The following TMEM192 variants were observed in gnomAD, a reference collection of about 807,000 sequenced individuals.
The protein encoded by TMEM192 is transmembrane protein 192.
Under a neutral mutation model 26.7 loss-of-function variants are expected in TMEM192, and 20 were observed. The observed-to-expected ratio is 0.75, with a 90% CI of 0.53 to 1.09. The LOEUF (loss-of-function observed/expected upper bound fraction) is 1.09, where lower values mean the gene tolerates loss of function less well. Ranked by LOEUF, TMEM192 falls within the 50% of genes least tolerant of loss-of-function variation. TMEM192 has a pLI of 0.00. For missense variants in TMEM192, 304 were observed against 322.6 expected (o/e 0.94, Z 0.44); for synonymous variants, 124 against 121.0 (o/e 1.02, Z -0.16).
Position 165,088,450 on chromosome 4 carries a change from G to T in TMEM192, c.574+18C>A. The T allele has an allele frequency of 1.2e-6, 2 of 1,607,922 alleles. No individual in the cohort carries two copies. Among genetic ancestry groups the T allele is most frequent in the Non-Finnish European group, 8.5e-7 (1 of 1,176,612 alleles). ...CAGTTCGAAGTTCCTATAAGAACAG[G>T]CTCGTTGTAATTCTCACCTGTGTAA... On this transcript the variant is annotated intron_variant, in intron 4 of 5. Transcript: ENST00000306480.
intron 1 of TMEM192, 117 bp downstream of exon 1, chr4:165,112,630 T>A: frequency 6.8e-7 from 1 of 1,460,754 alleles, no homozygotes; most frequent in Non-Finnish European, 9.3e-7. Flanking sequence ...GGCGCCCCCT[T>A]CGGCCGCGGC....
chr4:165,085,594 A>C lies in TMEM192; in HGVS notation c.669T>G (p.Thr223=). 6.2e-7 allele frequency: 1 copy of C among 1,606,510 alleles called. No homozygotes were observed. Among genetic ancestry groups the C allele is most frequent in the Middle Eastern group, 1.7e-4 (1 of 6,034 alleles). ...TCTCACCTAAATCTTACCTGAATCC[A>C]GTCTCCGAGGTAATATTGCTGGGGT... ...YAYPSNITSE[T]GFRTISSLEE... Residue 223 remains threonine, a synonymous_variant, in exon 5 of 6, where the codon ACT becomes ACG. Coordinates refer to ENST00000306480, the MANE Select transcript of TMEM192 (RefSeq NM_001100389.2).
intron 5 of TMEM192, among the ~76,000 whole-genome samples, chr4:165,080,865 C>T (rs1413382358): frequency 6.6e-6 from 1 of 151,944 alleles, no homozygotes; most frequent in Non-Finnish European, 1.5e-5. Flanking sequence ...CAGGCGCCTG[C>T]CACCATGCCC....
chr4:165,097,785 A>AT (rs1384365082), intron 3 of TMEM192, among the ~76,000 whole-genome samples: 1 of 150,962 alleles, frequency 6.6e-6, no homozygotes, highest in East Asian at 1.9e-4. Context: ...TGACTAATTT[A>AT]TTTATTTTAT....
Position 165,079,538 on chromosome 4 carries a change from A to G in TMEM192, c.*120T>C, listed in dbSNP as rs994553481. The G allele has an allele frequency of 9.1e-6, 11 of 1,204,852 alleles. No individual in the cohort carries two copies. Among genetic ancestry groups the G allele is most frequent in the African/African-American group, 3.1e-5 (2 of 64,644 alleles). The allele number at this position is 1,204,852 out of a possible 1,614,324, so 74.6% of individuals were successfully genotyped here. ...AGTCAGAACCAAATTCAGGTTTCCA[A>G]CAAACACTGTAAAATGCTATTCAGC... On this transcript the variant is annotated 3_prime_UTR_variant, in exon 6 of 6. Coordinates refer to ENST00000306480, the MANE Select transcript of TMEM192 (RefSeq NM_001100389.2).
chr4:165,092,373 C>T (rs866715604), intron 3 of TMEM192, among the ~76,000 whole-genome samples: 1 of 152,104 alleles, frequency 6.6e-6, no homozygotes, highest in African/African-American at 2.4e-5. Context: ...CCGCGAGCCT[C>T]GGCCTCCCAA....
At chr4:165,111,854 C>T (rs1172759791) in intron 1 of TMEM192, among the ~76,000 whole-genome samples, 3 of 152,160 alleles carry the variant, frequency 2.0e-5, no homozygotes, top group Non-Finnish European at 4.4e-5. Flanking sequence ...AGTAATATTC[C>T]TACTAATTTA....
intron 1 of TMEM192, among the ~76,000 whole-genome samples, chr4:165,107,206 A>G (rs558740201): frequency 4.4e-4 from 67 of 151,924 alleles, no homozygotes; most frequent in African/African-American, 1.5e-3. Context: ...TGTATTTTTA[A>G]TAGAGACGGG....
At chr4:165,090,987 C>T (rs1734748565) in intron 3 of TMEM192, among the ~76,000 whole-genome samples, 1 of 149,618 alleles carries the variant, frequency 6.7e-6, no homozygotes, top group African/African-American at 2.5e-5. Flanking sequence ...GCATAGTGGC[C>T]AGGCACGGTG....
rs756372162 is a variant in TMEM192, at chr4:165,079,219, A to G, written c.*439T>C. 54 of 154,520 alleles carry G rather than the reference A, an allele frequency of 3.5e-4. No homozygotes were observed. Among genetic ancestry groups the G allele is most frequent in the Non-Finnish European group, 5.2e-4 (36 of 69,682 alleles). 9.6% of individuals were successfully genotyped at this position (154,520 alleles called of 1,614,324 possible). ...AGGCTCTCCAGGAAAAAATATTCAC[A>G]AGAAATAATGACTTCTTTCATCAGC... On this transcript the variant is annotated 3_prime_UTR_variant, in exon 6 of 6. Transcript: ENST00000306480.
At chr4:165,089,466 C>T (rs189478695) in intron 3 of TMEM192, among the ~76,000 whole-genome samples, 602 of 152,222 alleles carry the variant, frequency 4.0e-3, no homozygotes, top group African/African-American at 0.014. Context: ...GGACTACAGG[C>T]GCCCGCCACC....
At chr4:165,101,009 C>T in intron 2 of TMEM192, 117 bp from the exon 3 acceptor site, 3 of 1,123,084 alleles carry the variant, frequency 2.7e-6, no homozygotes, top group East Asian at 2.7e-5. Context: ...CAGAGTCTCA[C>T]TCTGTCGCCC....
At chr4:165,100,576 T>C in intron 3 of TMEM192, 52 bp downstream of exon 3, 1 of 1,558,580 alleles carries the variant, frequency 6.4e-7, no homozygotes, top group South Asian at 1.2e-5. Context: ...TTCTTTCTGC[T>C]GTCATTTTTG....
chr4:165,096,628 T>TG (rs1560931965), intron 3 of TMEM192, among the ~76,000 whole-genome samples: 7 of 122,364 alleles, frequency 5.7e-5, no homozygotes, highest in African/African-American at 1.6e-4. Context: ...CATAGATTTA[T>TG]CTTTTTTTTT....
Position 165,079,583 on chromosome 4 carries a change from G to A in TMEM192, c.*75C>T. On this transcript the variant is annotated 3_prime_UTR_variant, in exon 6 of 6. Transcript: ENST00000306480. ...TTCAGCAAAAGCTGCAGTTCCCCGT[G>A]GCAGCTTGTCAGGTGGTCAGTCAGT... 1 of 1,476,024 alleles carries A rather than the reference G, an allele frequency of 6.8e-7. No individual in the cohort carries two copies. The highest frequency in any genetic ancestry group is 9.1e-7 in the Non-Finnish European group (1 of 1,097,994). 91.4% of individuals were successfully genotyped at this position (1,476,024 alleles called of 1,614,324 possible). A position where few individuals can be genotyped will look rare whatever the true frequency, so the allele number is the denominator to read the frequency against.
chr4:165,112,487 G>T (rs1273650550), intron 1 of TMEM192, among the ~76,000 whole-genome samples: 5 of 152,124 alleles, frequency 3.3e-5, no homozygotes. Flanking sequence ...ACCCCCGGGG[G>T]CCGCGCGCCC....
chr4:165,104,725 T>A (rs1170946354), intron 1 of TMEM192, among the ~76,000 whole-genome samples: 3 of 152,054 alleles, frequency 2.0e-5, no homozygotes, highest in African/African-American at 7.2e-5. Context: ...GAGATGGGGT[T>A]TCGCCATGTT....
intron 5 of TMEM192, among the ~76,000 whole-genome samples, chr4:165,080,628 A>G (rs1734498346): frequency 6.6e-6 from 1 of 152,212 alleles, no homozygotes; most frequent in South Asian, 2.1e-4. Flanking sequence ...GAATGGTCCC[A>G]TGTGAACAAA....
chr4:165,112,627 C>A lies in TMEM192; in HGVS notation c.27+120G>T, dbSNP rs917604800. The A allele has an allele frequency of 5.2e-5, 75 of 1,444,240 alleles. 1 individual carries two copies. In the African/African-American group the frequency reaches 9.3e-4, roughly 18 times the overall value. 89.5% of individuals were successfully genotyped at this position (1,444,240 alleles called of 1,614,324 possible). ...GCCTCCCCGGGCACAGGCGGCGCCC[C>A]CTTCGGCCGCGGCCGCAGTCGCCAA... On this transcript the variant is annotated intron_variant, in intron 1 of 5. Coordinates refer to ENST00000306480, the MANE Select transcript of TMEM192 (RefSeq NM_001100389.2).
Sources: gnomAD v4.1 joint callset for allele counts (sites outside exome capture counted in the v4.1 genomes callset) on GRCh38, gnomAD v4.1.1 for gene constraint, MANE v1.5 for transcripts, NCBI Gene and HGNC (gene_info 2026-07-23, HGNC 2026-07-21) for gene names.